Variants in GRIK2 observed in about 807,000 individuals in gnomAD.
GRIK2 encodes the protein glutamate ionotropic receptor kainate type subunit 2.
GRIK2 carries 32 observed loss-of-function variants against 100.3 expected under a neutral mutation model. The observed-to-expected ratio is 0.32, with a 90% CI of 0.24 to 0.43. The LOEUF is 0.43. Ranked by LOEUF, GRIK2 falls within the 20% of genes least tolerant of loss-of-function variation. GRIK2 has a pLI of 1.00. For synonymous variants in GRIK2, 417 were observed against 389.4 expected (o/e 1.07, Z -0.83); for missense variants, 843 against 1,114.9 (o/e 0.76, Z 3.47).
chr6:101,983,850 T>C (rs1793862189), intron 14 of GRIK2, among the ~76,000 whole-genome samples: 2 of 151,766 alleles, frequency 1.3e-5, no homozygotes, highest in Non-Finnish European at 3.0e-5. Context: ...CTTCCAATAC[T>C]TAAAATTCAT....
intron 10 of GRIK2, among the ~76,000 whole-genome samples, chr6:101,830,473 C>A (rs139097780): frequency 6.6e-6 from 1 of 151,688 alleles, no homozygotes; most frequent in Non-Finnish European, 1.5e-5. Flanking sequence ...AACTATGCAT[C>A]CAACAAAAGA....
At chr6:101,738,261 A>C (rs1241888408) in intron 7 of GRIK2, among the ~76,000 whole-genome samples, 1 of 146,690 alleles carries the variant, frequency 6.8e-6, no homozygotes, top group African/African-American at 2.5e-5. Context: ...ACAATTGTCA[A>C]ATGTCAATTG....
chr6:101,833,338 T>G (rs1351627451), intron 10 of GRIK2, among the ~76,000 whole-genome samples: 1 of 152,054 alleles, frequency 6.6e-6, no homozygotes, highest in Non-Finnish European at 1.5e-5. Flanking sequence ...TTCAAGCAAT[T>G]CCCTGCCTCA....
chr6:102,037,423 A>G (rs1770329698), intron 15 of GRIK2, among the ~76,000 whole-genome samples: 1 of 151,426 alleles, frequency 6.6e-6, no homozygotes, highest in African/African-American at 2.4e-5. Context: ...AACTTAGACC[A>G]ACAAAAGATA....
chr6:101,638,495 G>A (rs1273304723), intron 4 of GRIK2, among the ~76,000 whole-genome samples: 1 of 151,798 alleles, frequency 6.6e-6, no homozygotes, highest in Admixed American at 6.6e-5. Context: ...TTTGAACTAA[G>A]ACTTGAATAA....
chr6:101,730,856 G>A (rs756554034), intron 7 of GRIK2, among the ~76,000 whole-genome samples: 22 of 151,786 alleles, frequency 1.4e-4, no homozygotes, highest in Admixed American at 3.9e-4. Flanking sequence ...GAGAGAATAA[G>A]GATACAAAGT....
chr6:101,860,333 C>A (rs1043779427), intron 11 of GRIK2, among the ~76,000 whole-genome samples: 1 of 151,834 alleles, frequency 6.6e-6, no homozygotes, highest in African/African-American at 2.4e-5. Context: ...GAGGGAGGGG[C>A]AAAAGGAACA....
chr6:101,495,677 G>A (rs1773405689), intron 2 of GRIK2, among the ~76,000 whole-genome samples: 1 of 152,080 alleles, frequency 6.6e-6, no homozygotes, highest in African/African-American at 2.4e-5. Context: ...CTGAATAAAT[G>A]TTATAAATGT....
chr6:101,969,769 A>G (rs1307657021), intron 14 of GRIK2, among the ~76,000 whole-genome samples: 1 of 152,076 alleles, frequency 6.6e-6, no homozygotes, highest in African/African-American at 2.4e-5. Context: ...CACATAAAAC[A>G]TAAATTGGAG....
chr6:101,727,662 G>C (rs1414963913), intron 7 of GRIK2, among the ~76,000 whole-genome samples: 1 of 152,018 alleles, frequency 6.6e-6, no homozygotes, highest in African/African-American at 2.4e-5. Context: ...AGTTTCAGTG[G>C]TTTTTCTTGT....
At chr6:101,716,359 T>G (rs1338341270) in intron 7 of GRIK2, among the ~76,000 whole-genome samples, 1 of 151,690 alleles carries the variant, frequency 6.6e-6, no homozygotes, top group Non-Finnish European at 1.5e-5. Context: ...GGAACTAAAA[T>G]AGTAATTGTA....
At chr6:102,037,727 C>A (rs2114436878) in intron 15 of GRIK2, among the ~76,000 whole-genome samples, 1 of 151,266 alleles carries the variant, frequency 6.6e-6, no homozygotes, top group Non-Finnish European at 1.5e-5. Flanking sequence ...CCTTTATCGC[C>A]AGTAAGGCTT....
intron 15 of GRIK2, among the ~76,000 whole-genome samples, chr6:102,054,138 G>A (rs1048593721): frequency 2.0e-5 from 3 of 152,140 alleles, no homozygotes; most frequent in African/African-American, 7.2e-5. Context: ...CTTTTAAGTA[G>A]AGAAAAGATG....
Position 102,069,105 on chromosome 6 carries a change from T to TTCA in GRIK2, c.*598_*600dup, listed in dbSNP as rs1339397695. 1.3e-5 allele frequency: 2 copies of TTCA among 151,228 alleles called. No homozygotes were observed. Among genetic ancestry groups the TTCA allele is most frequent in the Admixed American group, 1.3e-4 (2 of 15,072 alleles). 9.4% of individuals were successfully genotyped at this position (151,228 alleles called of 1,614,324 possible). A position where few individuals can be genotyped will look rare whatever the true frequency, so the allele number is the denominator to read the frequency against. ...TGGCAGTTGGAATATAAAGCAGATG[T>TTCA]TCATCACTTATTTTCCTTTTTTCTT... On this transcript the variant is annotated 3_prime_UTR_variant, in exon 17 of 17. Transcript: ENST00000369134.
At chr6:101,793,285 T>C (rs923877866) in intron 7 of GRIK2, among the ~76,000 whole-genome samples, 3 of 152,184 alleles carry the variant, frequency 2.0e-5, no homozygotes, top group Non-Finnish European at 2.9e-5. Context: ...AGAGGTGCTC[T>C]GCTTTTTAGA....
At chr6:101,502,915 T>C (rs1773837815) in intron 2 of GRIK2, among the ~76,000 whole-genome samples, 1 of 152,256 alleles carries the variant, frequency 6.6e-6, no homozygotes, top group Admixed American at 6.6e-5. Context: ...CTTCAGGACT[T>C]TTTCAAGCTG....
chr6:101,633,379 T>C (rs1780857506), intron 4 of GRIK2, among the ~76,000 whole-genome samples: 1 of 152,174 alleles, frequency 6.6e-6, no homozygotes, highest in Non-Finnish European at 1.5e-5. Context: ...CCTGACCCTG[T>C]CGTGTAGTTT....
At chr6:101,609,470 G>A (rs2128312782) in intron 2 of GRIK2, among the ~76,000 whole-genome samples, 1 of 151,864 alleles carries the variant, frequency 6.6e-6, no homozygotes, top group African/African-American at 2.4e-5. Context: ...AAAGGCTTTA[G>A]CAAATACCTG....
intron 15 of GRIK2, among the ~76,000 whole-genome samples, chr6:102,048,090 T>C (rs1188391705): frequency 6.6e-6 from 1 of 151,036 alleles, no homozygotes; most frequent in Non-Finnish European, 1.5e-5. Context: ...TTGTCAAAAC[T>C]ATCAAGAACA....
Sources: gnomAD v4.1 joint callset for allele counts (sites outside exome capture counted in the v4.1 genomes callset) on GRCh38, gnomAD v4.1.1 for gene constraint, MANE v1.5 for transcripts, NCBI Gene and HGNC (gene_info 2026-07-23, HGNC 2026-07-21) for gene names.